Variants in DLGAP2 observed in about 807,000 individuals in gnomAD.
DLGAP2 encodes the protein DLG associated protein 2.
In DLGAP2, 26 loss-of-function variants were observed where a neutral mutation model predicts 100.3. The observed-to-expected ratio is 0.26, with a 90% confidence interval of 0.19 to 0.36. The LOEUF (loss-of-function observed/expected upper bound fraction) is 0.36, where lower values mean the gene tolerates loss of function less well. Ranked by LOEUF, DLGAP2 falls within the 10% of genes least tolerant of loss-of-function variation. The pLI is 1.00. For synonymous variants in DLGAP2, 886 were observed against 630.1 expected, an observed-to-expected ratio of 1.41 and a Z score of -6.08; for missense variants, 1,858 against 1,453.2, an observed-to-expected ratio of 1.28 and a Z score of -4.53.
intron 4 of DLGAP2, among the ~76,000 whole-genome samples, chr8:1,535,587 T>G (rs1584901179): frequency 6.6e-6 from 1 of 152,186 alleles, no homozygotes; most frequent in East Asian, 1.9e-4. Flanking sequence ...TGGTAAGATG[T>G]GTGATGGATT....
intron 1 of DLGAP2, among the ~76,000 whole-genome samples, chr8:795,633 C>CCAGTGAGAGCAGCT (rs1796010246): frequency 2.7e-5 from 1 of 37,546 alleles, no homozygotes; most frequent in Non-Finnish European, 5.6e-5. Flanking sequence ...TGAGAGCAGG[C>CCAGTGAGAGCAGCT]GTCCAGTGAG....
At chr8:1,507,629 GGAGT>G (rs1799974558) in intron 4 of DLGAP2, among the ~76,000 whole-genome samples, 1 of 152,176 alleles carries the variant, frequency 6.6e-6, no homozygotes. Context: ...GGAGGCGCCG[GGAGT>G]GAGTGAGGGC....
At chr8:1,194,303 T>C (rs909529855) in intron 2 of DLGAP2, among the ~76,000 whole-genome samples, 7 of 152,026 alleles carry the variant, frequency 4.6e-5, no homozygotes, top group Non-Finnish European at 1.0e-4. Context: ...CAAGCAGACG[T>C]TGGCAGTGCC....
At chr8:1,650,679 C>G (rs1455752898) in intron 8 of DLGAP2, among the ~76,000 whole-genome samples, 2 of 152,148 alleles carry the variant, frequency 1.3e-5, no homozygotes, top group Admixed American at 6.5e-5. Context: ...GTGACAGTTG[C>G]TGGAGCAGAG....
chr8:1,533,021 C>T (rs916887448), intron 4 of DLGAP2, among the ~76,000 whole-genome samples: 1 of 151,642 alleles, frequency 6.6e-6, no homozygotes, highest in East Asian at 1.9e-4. Flanking sequence ...AAATTATTTC[C>T]AGATGATTCT....
At chr8:1,223,234 C>T (rs1161791146) in intron 2 of DLGAP2, among the ~76,000 whole-genome samples, 2 of 152,194 alleles carry the variant, frequency 1.3e-5, no homozygotes, top group African/African-American at 4.8e-5. Flanking sequence ...CCTTCCTCCC[C>T]TTTCAGCCAG....
chr8:1,145,668 T>C (rs912386118), intron 2 of DLGAP2, among the ~76,000 whole-genome samples: 7 of 151,798 alleles, frequency 4.6e-5, no homozygotes, highest in Non-Finnish European at 7.4e-5. Context: ...AATGTGCAGG[T>C]TAGTTACATA....
At chr8:1,500,329 G>A (rs1185546608) in intron 3 of DLGAP2, among the ~76,000 whole-genome samples, 3 of 152,068 alleles carry the variant, frequency 2.0e-5, no homozygotes, top group African/African-American at 7.3e-5. Context: ...CTGCAGCCAG[G>A]TAGAAACCAA....
chr8:864,994 G>A (rs1797467530), intron 1 of DLGAP2, among the ~76,000 whole-genome samples: 1 of 152,138 alleles, frequency 6.6e-6, no homozygotes, highest in African/African-American at 2.4e-5. Flanking sequence ...ATATAAACTT[G>A]TTGAACATCT....
intron 3 of DLGAP2, among the ~76,000 whole-genome samples, chr8:1,490,860 A>C (rs1389403073): frequency 8.2e-5 from 12 of 145,936 alleles, no homozygotes; most frequent in Admixed American, 6.9e-4. Context: ...AACATCACAC[A>C]CCGGGGACGG....
intron 3 of DLGAP2, among the ~76,000 whole-genome samples, chr8:1,357,267 G>C (rs931034864): frequency 9.9e-5 from 15 of 152,018 alleles, no homozygotes; most frequent in Non-Finnish European, 2.1e-4. Context: ...CTCGGAGAAG[G>C]GGTGTCCTTC....
At chr8:1,430,879 A>C (rs890310782) in intron 3 of DLGAP2, among the ~76,000 whole-genome samples, 1 of 152,194 alleles carries the variant, frequency 6.6e-6, no homozygotes, top group Non-Finnish European at 1.5e-5. Flanking sequence ...GGCATTGGCA[A>C]TAATGAATGA....
At chr8:921,339 A>G (rs1052877376) in intron 2 of DLGAP2, among the ~76,000 whole-genome samples, 1 of 151,952 alleles carries the variant, frequency 6.6e-6, no homozygotes, top group Non-Finnish European at 1.5e-5. Flanking sequence ...GTCTATGGCC[A>G]TTTCTGTGTC....
At chr8:994,241 C>G (rs1346662527) in intron 2 of DLGAP2, among the ~76,000 whole-genome samples, 1 of 152,170 alleles carries the variant, frequency 6.6e-6, no homozygotes, top group Non-Finnish European at 1.5e-5. Flanking sequence ...ACTCTTGTTG[C>G]CCAGGCTGGA....
chr8:1,057,212 G>A (rs1050693937), intron 2 of DLGAP2, among the ~76,000 whole-genome samples: 3 of 152,200 alleles, frequency 2.0e-5, no homozygotes, highest in Admixed American at 1.3e-4. Context: ...GTTACTACAC[G>A]TAGAAGTTAG....
Position 1,388,554 on chromosome 8 carries a change from A to C in DLGAP2, c.107-112812A>C, listed in dbSNP as rs529127123. 6.7e-4 allele frequency among the ~76,000 whole-genome samples: 48 copies of C among 71,466 alleles called. 10 individuals carry two copies. The highest frequency in any genetic ancestry group is 2.6e-3 in the African/African-American group (46 of 17,454). 46.9% of individuals were successfully genotyped at this position (71,466 alleles called of 152,430 possible). On this transcript the variant is annotated intron_variant, in intron 3 of 14. Transcript: ENST00000637795. The stretch of plus-strand genomic sequence containing the variant: ...TTCAGGTGTCAGGGCTTTGAGAGGC[A>C]GAGGCAGTGGGTGGGGAGGCACTGG...
rs757157628 is a variant in DLGAP2, at chr8:1,548,671, G to A, written c.218G>A (p.Arg73His). Residue 73 changes from arginine (R) to histidine (H), a missense_variant, in exon 5 of 15, where the codon CGC (arginine) becomes CAC (histidine). Transcript: ENST00000637795. Reference protein sequence around the residue: ...WSPTQHFNEERYSPAPRSMKG... With the variant: ...WSPTQHFNEEHYSPAPRSMKG... ...CCCACGCAGCACTTCAATGAGGAGC[G>A]CTACTCGCCCGCGCCCAGGAGCATG... is the stretch of plus-strand genomic sequence containing the variant. The A allele has an allele frequency of 3.1e-6, 5 of 1,593,368 alleles. No homozygotes were observed. The highest frequency in any genetic ancestry group is 1.3e-5 in the African/African-American group (1 of 74,160).
At chr8:1,041,534 G>C (rs980524053) in intron 2 of DLGAP2, among the ~76,000 whole-genome samples, 1 of 150,820 alleles carries the variant, frequency 6.6e-6, no homozygotes, top group East Asian at 1.9e-4. Flanking sequence ...GCCCCTTGCC[G>C]TGGGTGAGTG....
intron 1 of DLGAP2, among the ~76,000 whole-genome samples, chr8:859,882 C>T (rs1003192177): frequency 8.5e-5 from 13 of 152,244 alleles, no homozygotes; most frequent in South Asian, 2.1e-4. Context: ...GGTTTATAAA[C>T]GCACACATGA....
Sources: allele counts gnomAD v4.1 joint callset (sites outside exome capture counted in the v4.1 genomes callset), GRCh38; gene constraint gnomAD v4.1.1; transcripts MANE v1.5; gene names NCBI Gene and HGNC (gene_info 2026-07-23, HGNC 2026-07-21).